The following DLC1 variants were observed in gnomAD, a reference collection of about 807,000 sequenced individuals.
The protein encoded by DLC1 is DLC1 Rho GTPase activating protein.
Under a neutral mutation model 140.3 loss-of-function variants are expected in DLC1, and 54 were observed. The ratio of observed to expected loss-of-function variants is 0.38; its 90% CI spans 0.31 to 0.48. The LOEUF is 0.48. DLC1 is among the 20% of genes least tolerant of loss of function. The pLI is 0.96. For synonymous variants in DLC1, 986 were observed against 728.1 expected (o/e 1.35, Z -5.70); for missense variants, 2,536 against 1,907.0 (o/e 1.33, Z -6.14).
chr8:13,341,123 T>C (rs1834025120), intron 4 of DLC1: 1 of 152,166 alleles, frequency 6.6e-6, no homozygotes, highest in Non-Finnish European at 1.5e-5. Context: ...AGTACTGTTT[T>C]TCACATTGAA....
chr8:13,353,356 T>TA (rs1834766921), intron 4 of DLC1: 1 of 152,206 alleles, frequency 6.6e-6, no homozygotes, highest in Non-Finnish European at 1.5e-5. Flanking sequence ...ATAATATCTG[T>TA]AAAAGACTTC....
At chr8:13,307,008 C>T (rs1436387773) in intron 4 of DLC1, among the ~76,000 whole-genome samples, 3 of 139,970 alleles carry the variant, frequency 2.1e-5, no homozygotes, top group Admixed American at 7.6e-5. Flanking sequence ...CTCTTGAACC[C>T]GGGAGATAGA....
chr8:13,443,391 G>A (rs1432916243), intron 2 of DLC1, among the ~76,000 whole-genome samples: 1 of 150,402 alleles, frequency 6.6e-6, no homozygotes, highest in Non-Finnish European at 1.5e-5. Flanking sequence ...CAGGCATGGT[G>A]GCTCACGCCT....
chr8:13,577,179 T>C (rs1194600212), intron 1 of DLC1, among the ~76,000 whole-genome samples: 1 of 152,174 alleles, frequency 6.6e-6, no homozygotes, highest in Non-Finnish European at 1.5e-5. Context: ...TCTTCCGACA[T>C]TGGACTTTAT....
intron 1 of DLC1, chr8:13,558,636 G>C (rs1283480118): frequency 3.9e-5 from 6 of 152,120 alleles, no homozygotes; most frequent in South Asian, 4.1e-4. Flanking sequence ...TCCAGGAAAG[G>C]AGGCCCTAAT....
chr8:13,289,068 C>G (rs75968162), intron 5 of DLC1, among the ~76,000 whole-genome samples: 1 of 152,094 alleles, frequency 6.6e-6, no homozygotes, highest in Non-Finnish European at 1.5e-5. Flanking sequence ...AACTTCACTC[C>G]TGTGACCTGT....
At chr8:13,214,424 C>T in intron 5 of DLC1, 1 of 492,666 alleles carries the variant, frequency 2.0e-6, no homozygotes, top group Middle Eastern at 5.4e-4. Flanking sequence ...TCTGAAGGAC[C>T]TTGCAGCTTT....
At chr8:13,187,567 T>C (rs1172330467) in intron 5 of DLC1, among the ~76,000 whole-genome samples, 2 of 152,120 alleles carry the variant, frequency 1.3e-5, no homozygotes, top group Non-Finnish European at 2.9e-5. Context: ...GGACTATTGA[T>C]GATATAGAGG....
chr8:13,502,937 A>G (rs553055936), intron 1 of DLC1, among the ~76,000 whole-genome samples: 1 of 152,326 alleles, frequency 6.6e-6, no homozygotes, highest in Admixed American at 6.5e-5. Flanking sequence ...CGTGACATTA[A>G]CATCACAAGA....
intron 5 of DLC1, among the ~76,000 whole-genome samples, chr8:13,289,364 T>A (rs1337742848): frequency 6.6e-6 from 1 of 151,968 alleles, no homozygotes; most frequent in African/African-American, 2.4e-5. Flanking sequence ...TTAAATTAAT[T>A]TTTTTTTCAT....
At chr8:13,104,167 G>C (rs1001133385) in intron 7 of DLC1, among the ~76,000 whole-genome samples, 1 of 152,056 alleles carries the variant, frequency 6.6e-6, no homozygotes, top group African/African-American at 2.4e-5. Flanking sequence ...ATCATTTAAA[G>C]AATTTGCGTA....
At chr8:13,185,792 T>C (rs376295553) in intron 5 of DLC1, among the ~76,000 whole-genome samples, 15 of 152,210 alleles carry the variant, frequency 9.9e-5, no homozygotes, top group African/African-American at 3.6e-4. Context: ...TACTGGTTGA[T>C]CCTTTCCATG....
intron 5 of DLC1, among the ~76,000 whole-genome samples, chr8:13,295,938 CTTTGTTTTTT>C (rs1053915801): frequency 9.4e-5 from 5 of 53,344 alleles, no homozygotes; most frequent in African/African-American, 2.2e-4. Flanking sequence ...AGATAAGATT[CTTTGTTTTTT>C]TTTTTTTTTT....
intron 5 of DLC1, among the ~76,000 whole-genome samples, chr8:13,227,731 T>G (rs2117185396): frequency 6.6e-6 from 1 of 152,344 alleles, no homozygotes; most frequent in African/African-American, 2.4e-5. Context: ...AGTTTCTGGA[T>G]TCCTGATGTC....
chr8:13,587,339 A>G (rs1805358330), intron 1 of DLC1, among the ~76,000 whole-genome samples: 1 of 152,002 alleles, frequency 6.6e-6, no homozygotes, highest in Non-Finnish European at 1.5e-5. Context: ...ACATATGTCT[A>G]TTTTCACCTC....
chr8:13,563,097 C>A (rs62492134), intron 1 of DLC1, among the ~76,000 whole-genome samples: 15,051 of 152,148 alleles, frequency 0.099, 1,074 homozygotes, highest in Non-Finnish European at 0.14. Context: ...CTAAACTTCT[C>A]TTCCTGCTCC....
Position 13,600,912 on chromosome 8 carries a change from T to C in DLC1, c.-126+3625A>G, listed in dbSNP as rs568764558. Among the ~76,000 whole-genome samples, 11 of 152,006 alleles carry C rather than the reference T, an allele frequency of 7.2e-5. No homozygotes were observed. The East Asian group carries it at 1.5e-3, about 21-fold the overall frequency. On this transcript the variant is annotated intron_variant, in intron 1 of 1. Transcript: ENST00000631382. ...CTTCAAATGGCATATACTTATTTTA[T>C]ATGTAGTATTCATTTTACCAAATCA...
At chr8:13,385,156 A>T (rs1053542549) in intron 4 of DLC1, among the ~76,000 whole-genome samples, 3 of 152,136 alleles carry the variant, frequency 2.0e-5, no homozygotes, top group Non-Finnish European at 4.4e-5. Context: ...TGTTTGCATC[A>T]TTCTCTGCAT....
chr8:13,310,464 G>T (rs1280725045), intron 4 of DLC1, among the ~76,000 whole-genome samples: 1 of 152,120 alleles, frequency 6.6e-6, no homozygotes, highest in Non-Finnish European at 1.5e-5. Flanking sequence ...CTTAGAAATT[G>T]CAAGAAAATA....
Sources: allele counts gnomAD v4.1 joint callset (sites outside exome capture counted in the v4.1 genomes callset), GRCh38; gene constraint gnomAD v4.1.1; transcripts MANE v1.5; gene names NCBI Gene and HGNC (gene_info 2026-07-23, HGNC 2026-07-21).